The following PDK1 variants were observed in gnomAD, a reference collection of about 807,000 sequenced individuals.
PDK1 encodes pyruvate dehydrogenase kinase 1, also known as [Pyruvate dehydrogenase (acetyl-transferring)] kinase isozyme 1, mitochondrial.
Under a neutral mutation model 54.2 loss-of-function variants are expected in PDK1, and 39 were observed. The observed-to-expected ratio is 0.72, with a 90% CI of 0.56 to 0.94. PDK1 has a LOEUF of 0.94. PDK1 is among the 40% of genes least tolerant of loss of function. PDK1 has a pLI of 0.00. For synonymous variants in PDK1, 221 were observed against 207.1 expected, an observed-to-expected ratio of 1.07 and a Z score of -0.58; for missense variants, 552 against 566.0, an observed-to-expected ratio of 0.98 and a Z score of 0.25.
the PDK1 span, among the ~76,000 whole-genome samples, chr2:172,717,877 AG>A: frequency 6.6e-6 from 1 of 152,214 alleles, no homozygotes; most frequent in Admixed American, 6.5e-5. Context: ...GTGGGAGCTA[AG>A]GGTGTTAGAC....
At chr2:172,611,659 AT>A (rs1246191636), downstream of PDK1, among the ~76,000 whole-genome samples, 3 of 152,230 alleles carry the variant, frequency 2.0e-5, no homozygotes, top group Non-Finnish European at 4.4e-5. Flanking sequence ...TCCCGCCAAA[AT>A]GTTAAATCCA....
the PDK1 span, among the ~76,000 whole-genome samples, chr2:172,638,221 A>T: frequency 6.6e-6 from 1 of 152,204 alleles, no homozygotes; most frequent in Non-Finnish European, 1.5e-5. Flanking sequence ...TAAAAAAGTA[A>T]CTCATGAAGA....
the PDK1 span, among the ~76,000 whole-genome samples, chr2:172,686,318 T>A: frequency 7.2e-5 from 11 of 152,318 alleles, no homozygotes; most frequent in Admixed American, 6.5e-4. Flanking sequence ...TACAAGAGGT[T>A]TGTAAAATGC....
chr2:172,689,798 T>G, the PDK1 span, among the ~76,000 whole-genome samples: 2 of 138,578 alleles, frequency 1.4e-5, no homozygotes, highest in Non-Finnish European at 3.2e-5. Context: ...GCTAGCCATA[T>G]GTAGAAAGCT....
At chr2:172,711,205 A>G in the PDK1 span, among the ~76,000 whole-genome samples, 67 of 152,318 alleles carry the variant, frequency 4.4e-4, no homozygotes, top group African/African-American at 1.6e-3. Context: ...ATTAATAGTG[A>G]CATAAAGATG....
chr2:172,624,265 CCCCAGCCCCTGGGGCCCCATA>C, the PDK1 span, among the ~76,000 whole-genome samples: 3 of 152,028 alleles, frequency 2.0e-5, no homozygotes, highest in African/African-American at 7.3e-5. Context: ...AGCAGGAGTT[CCCCAGCCCCTGGGGCCCCATA>C]CGGGTACCAG....
the PDK1 span, among the ~76,000 whole-genome samples, chr2:172,638,154 G>A: frequency 6.6e-6 from 1 of 152,178 alleles, no homozygotes; most frequent in Admixed American, 6.5e-5. Context: ...GCCCAAGTAT[G>A]GGCCCAAGAA....
Position 172,596,056 on chromosome 2 carries a change from C to T in PDK1, c.*87C>T. The T allele has an allele frequency of 9.0e-7, 1 of 1,112,830 alleles. No individual in the cohort carries two copies. The highest frequency in any genetic ancestry group is 1.3e-6 in the Non-Finnish European group (1 of 796,904). 68.9% of individuals were successfully genotyped at this position (1,112,830 alleles called of 1,614,324 possible). A position where few individuals can be genotyped will look rare whatever the true frequency, so the allele number is the denominator to read the frequency against. ...GTTCAGAACTATATTATACCAAGTACTTTATTTATCGTTTTCACAAAACTA... is the reference window on the plus strand; with the variant it reads ...GTTCAGAACTATATTATACCAAGTATTTTATTTATCGTTTTCACAAAACTA... On this transcript the variant is annotated 3_prime_UTR_variant, in exon 11 of 11. Coordinates refer to ENST00000282077, the MANE Select transcript of PDK1 (RefSeq NM_002610.5).
chr2:172,679,568 T>G, the PDK1 span, among the ~76,000 whole-genome samples: 1 of 152,234 alleles, frequency 6.6e-6, no homozygotes, highest in African/African-American at 2.4e-5. Context: ...GAAAACATTT[T>G]TATAGCCTAA....
chr2:172,579,175 C>A (rs1462889962), intron 8 of PDK1, among the ~76,000 whole-genome samples: 1 of 152,158 alleles, frequency 6.6e-6, no homozygotes, highest in Admixed American at 6.5e-5. Flanking sequence ...TAGCTGTTGT[C>A]CAGTTTCTTC....
At chr2:172,661,415 G>A in the PDK1 span, among the ~76,000 whole-genome samples, 1 of 152,112 alleles carries the variant, frequency 6.6e-6, no homozygotes. Context: ...TGTTCTTGAG[G>A]TTATTTGGTG....
chr2:172,622,601 ATATAT>A, the PDK1 span, among the ~76,000 whole-genome samples: 3 of 143,446 alleles, frequency 2.1e-5, no homozygotes, highest in East Asian at 2.1e-4. Flanking sequence ...TTTATATCTC[ATATAT>A]TATGTGAGAT....
At chr2:172,622,466 ATC>A in the PDK1 span, among the ~76,000 whole-genome samples, 6 of 147,722 alleles carry the variant, frequency 4.1e-5, no homozygotes, top group East Asian at 6.6e-4. Flanking sequence ...AGATGTTTAT[ATC>A]TCATATTATG....
Position 172,580,189 on chromosome 2 carries a change from A to G in PDK1, c.946-6089A>G, listed in dbSNP as rs568805714. On this transcript the variant is annotated intron_variant, in intron 8 of 10. Transcript: ENST00000282077. ...TAAAGAGATAGGCACAAAAAAGTCA[A>G]TAAATGGCGATGCCATCTGTTTGCT... Among the ~76,000 whole-genome samples, 5 of 151,742 alleles carry G rather than the reference A, an allele frequency of 3.3e-5. No homozygotes were observed. In the South Asian group the frequency reaches 1.0e-3, roughly 32 times the overall value.
intron 8 of PDK1, among the ~76,000 whole-genome samples, chr2:172,572,623 G>A (rs1474044635): frequency 1.3e-5 from 2 of 152,142 alleles, no homozygotes; most frequent in Non-Finnish European, 2.9e-5. Flanking sequence ...CTATTCAGGA[G>A]GCTGAGGCAC....
chr2:172,665,377 G>T, the PDK1 span, among the ~76,000 whole-genome samples: 1 of 152,092 alleles, frequency 6.6e-6, no homozygotes, highest in East Asian at 1.9e-4. Flanking sequence ...GTTTGCTTTT[G>T]TTTGCCCTAA....
At chr2:172,657,002 C>T in the PDK1 span, among the ~76,000 whole-genome samples, 3 of 152,000 alleles carry the variant, frequency 2.0e-5, no homozygotes, top group African/African-American at 7.3e-5. Flanking sequence ...AGCAATTTGT[C>T]AATTACAGTT....
At chr2:172,657,266 C>T in the PDK1 span, among the ~76,000 whole-genome samples, 1 of 150,936 alleles carries the variant, frequency 6.6e-6, no homozygotes, top group Admixed American at 6.6e-5. Context: ...GCTCAAGTGA[C>T]CTCCACACCT....
At chr2:172,705,762 A>G in the PDK1 span, among the ~76,000 whole-genome samples, 10 of 152,382 alleles carry the variant, frequency 6.6e-5, no homozygotes, top group South Asian at 4.1e-4. Flanking sequence ...CTCTGTTTGA[A>G]AAGGAAGAAT....
Sources: gnomAD v4.1 joint callset for allele counts (sites outside exome capture counted in the v4.1 genomes callset) on GRCh38, gnomAD v4.1.1 for gene constraint, MANE v1.5 for transcripts, NCBI Gene and HGNC (gene_info 2026-07-23, HGNC 2026-07-21) for gene names.